Variants in PRKN observed in about 807,000 individuals in gnomAD.
The protein encoded by PRKN is E3 ubiquitin-protein ligase parkin.
Under a neutral mutation model 59.5 loss-of-function variants are expected in PRKN, and 56 were observed. That is an observed-to-expected ratio of 0.94 (90% CI 0.76 to 1.18). The LOEUF (loss-of-function observed/expected upper bound fraction) is 1.18. Among genes scored for constraint, PRKN ranks in the 50% most tolerant of loss-of-function variants. PRKN has a pLI of 0.00. For synonymous variants in PRKN, 250 were observed against 222.1 expected, an observed-to-expected ratio of 1.13 and a Z score of -1.12; for missense variants, 657 against 596.4, an observed-to-expected ratio of 1.10 and a Z score of -1.06.
intron 6 of PRKN, among the ~76,000 whole-genome samples, chr6:161,846,129 C>A (rs1200068310): frequency 6.6e-6 from 1 of 152,254 alleles, no homozygotes; most frequent in East Asian, 1.9e-4. Flanking sequence ...ACTTATCCCT[C>A]ATTTTCTTGA....
At chr6:162,664,245 A>G (rs1239757546) in intron 1 of PRKN, among the ~76,000 whole-genome samples, 1 of 152,178 alleles carries the variant, frequency 6.6e-6, no homozygotes, top group Non-Finnish European at 1.5e-5. Context: ...ATGGCTGCAT[A>G]GTATTCCATG....
At position 161,592,637 on chromosome 6, in the gene PRKN, G is replaced by T. The variant is rs2128141160; in HGVS notation, c.872-23221C>A. Among the ~76,000 whole-genome samples the T allele has an allele frequency of 6.6e-6, 1 of 152,244 alleles. No individual in the cohort carries two copies. Among genetic ancestry groups the T allele is most frequent in the African/African-American group, 2.4e-5 (1 of 41,560 alleles). ...AAACTAAAGAGAGAAAACCCTAAGG[G>T]CTATGGAGAAAGATGAAGCAGGGAA... On this transcript the variant is annotated intron_variant, in intron 7 of 11. Coordinates refer to ENST00000366898, the MANE Select transcript of PRKN (RefSeq NM_004562.3). The surrounding 1 kb of genome is among the most constrained non-coding windows in gnomAD (Gnocchi z 4.8).
intron 1 of PRKN, chr6:162,727,286 G>A (rs531774976): frequency 2.2e-4 from 72 of 321,152 alleles, no homozygotes; most frequent in African/African-American, 1.5e-3. Flanking sequence ...TGAGGTGAGG[G>A]GCGAAGGTGA....
intron 2 of PRKN, among the ~76,000 whole-genome samples, chr6:162,313,985 A>G (rs999043443): frequency 1.1e-4 from 16 of 152,200 alleles, no homozygotes; most frequent in African/African-American, 3.9e-4. Flanking sequence ...ATTGTTAGGC[A>G]CAACTGACAA....
intron 1 of PRKN, among the ~76,000 whole-genome samples, chr6:162,559,079 A>C (rs142412281): frequency 5.5e-5 from 8 of 145,106 alleles, no homozygotes; most frequent in Middle Eastern, 3.4e-3. Context: ...TGAACCCAGG[A>C]GGCGGAGCTT....
intron 4 of PRKN, among the ~76,000 whole-genome samples, chr6:162,166,317 A>G (rs983866634): frequency 6.6e-6 from 1 of 152,156 alleles, no homozygotes; most frequent in Admixed American, 6.6e-5. Context: ...GACTCTTTAT[A>G]TGACCCTTTA....
At chr6:161,988,149 A>G (rs1410370134) in intron 5 of PRKN, among the ~76,000 whole-genome samples, 1 of 152,190 alleles carries the variant, frequency 6.6e-6, no homozygotes, top group African/African-American at 2.4e-5. Context: ...GGGAAAAGTC[A>G]GGAAGAGTCA....
intron 4 of PRKN, among the ~76,000 whole-genome samples, 165 bp downstream of exon 4, chr6:162,200,966 A>C (rs985983886): frequency 1.3e-5 from 2 of 152,202 alleles, no homozygotes; most frequent in Admixed American, 1.3e-4. Context: ...CCAGAAGACA[A>C]AGGCGCATAA....
intron 1 of PRKN, among the ~76,000 whole-genome samples, chr6:162,670,910 C>G (rs942944283): frequency 6.6e-6 from 1 of 152,100 alleles, no homozygotes; most frequent in East Asian, 1.9e-4. Flanking sequence ...CATAAGCAAA[C>G]TACGACTTAA....
intron 1 of PRKN, among the ~76,000 whole-genome samples, chr6:162,526,907 G>A (rs1778312249): frequency 6.6e-6 from 1 of 152,122 alleles, no homozygotes; most frequent in African/African-American, 2.4e-5. Context: ...CACATTGAAA[G>A]ATGGGTCACT....
chr6:161,394,039 A>G (rs1786634767), intron 9 of PRKN, among the ~76,000 whole-genome samples: 1 of 152,158 alleles, frequency 6.6e-6, no homozygotes. Context: ...CTGTAAAGGG[A>G]ATCTATCAAG....
intron 4 of PRKN, among the ~76,000 whole-genome samples, chr6:162,099,209 G>T (rs1779867590): frequency 6.6e-6 from 1 of 152,142 alleles, no homozygotes; most frequent in East Asian, 1.9e-4. Context: ...CGGGCCGTCA[G>T]GTACAATCTT....
intron 7 of PRKN, among the ~76,000 whole-genome samples, chr6:161,751,104 TA>T (rs1392841434): frequency 6.6e-6 from 1 of 151,976 alleles, no homozygotes; most frequent in South Asian, 2.1e-4. Context: ...GTAGAATGAG[TA>T]AAAAAAAGTT....
At chr6:161,425,202 C>A (rs1192174776) in intron 9 of PRKN, among the ~76,000 whole-genome samples, 1 of 152,136 alleles carries the variant, frequency 6.6e-6, no homozygotes, top group Non-Finnish European at 1.5e-5. Context: ...CCCCACTAGT[C>A]TTGGAAGAGC....
In PRKN at chr6:161,549,057, A is replaced by G; in HGVS notation, c.934-54T>C. The G allele has an allele frequency of 6.2e-7, 1 of 1,604,908 alleles. No individual in the cohort carries two copies. Among genetic ancestry groups the G allele is most frequent in the Non-Finnish European group, 8.5e-7 (1 of 1,171,702 alleles). On this transcript the variant is annotated intron_variant, in intron 8 of 11. Transcript: ENST00000366898. This position sits in a 1 kb window ranked among gnomAD's most constrained non-coding sequence, Gnocchi z 6.0. ...TTCAAACTGACTGCAAATTTCAGCC[A>G]AAGGGTTAGGAGCTACAGTGCATGG... is the stretch of plus-strand genomic sequence containing the variant.
intron 1 of PRKN, among the ~76,000 whole-genome samples, chr6:162,541,854 A>G (rs1346710221): frequency 1.3e-5 from 2 of 152,120 alleles, no homozygotes; most frequent in Admixed American, 6.5e-5. Context: ...TCTGGCCCCA[A>G]TATCTTCTGA....
intron 1 of PRKN, among the ~76,000 whole-genome samples, chr6:162,666,385 CTAAAA>C (rs67773825): frequency 0.26 from 40,026 of 151,656 alleles, 6,376 homozygotes; most frequent in African/African-American, 0.44. Context: ...CAGATGTGAA[CTAAAA>C]TATCATTTTT....
At chr6:162,069,672 G>GT (rs1778492187) in intron 4 of PRKN, among the ~76,000 whole-genome samples, 1 of 152,238 alleles carries the variant, frequency 6.6e-6, no homozygotes, top group East Asian at 1.9e-4. Context: ...AGAAATAGAA[G>GT]TTTACAGAAG....
At chr6:161,559,757 G>C (rs544909430) in intron 8 of PRKN, among the ~76,000 whole-genome samples, 9 of 152,164 alleles carry the variant, frequency 5.9e-5, no homozygotes, top group African/African-American at 2.2e-4. Context: ...GTAAGGCTAC[G>C]GGTGGGGCAG....
Sources: allele counts gnomAD v4.1 joint callset (sites outside exome capture counted in the v4.1 genomes callset), GRCh38; gene constraint gnomAD v4.1.1; non-coding constraint Gnocchi (gnomAD v3.1); transcripts MANE v1.5; gene names NCBI Gene and HGNC (gene_info 2026-07-23, HGNC 2026-07-21).